Variants in ANO10 observed in about 807,000 individuals in gnomAD.
The protein encoded by ANO10 is anoctamin 10.
A neutral mutation model predicts 74.7 loss-of-function variants in ANO10; 77 were observed. The observed-to-expected ratio is 1.03, with a 90% confidence interval of 0.86 to 1.25. The LOEUF is 1.25. Among genes scored for constraint, ANO10 ranks in the 50% most tolerant of loss-of-function variants. ANO10 has a pLI of 0.00. For synonymous variants in ANO10, 279 were observed against 284.9 expected, an observed-to-expected ratio of 0.98 and a Z score of 0.21; for missense variants, 721 against 778.1, an observed-to-expected ratio of 0.93 and a Z score of 0.87.
intron 12 of ANO10, among the ~76,000 whole-genome samples, chr3:43,420,040 G>A (rs1285063106): frequency 6.6e-6 from 1 of 152,148 alleles, no homozygotes; most frequent in Non-Finnish European, 1.5e-5. Context: ...TACTTTAAAA[G>A]TCTAAATTTC....
rs149386875 is a variant in ANO10 at position 43,483,503 on chromosome 3, A to G, written c.1798-50776T>C. Among the ~76,000 whole-genome samples, 36 of 152,348 alleles carry G rather than the reference A, an allele frequency of 2.4e-4. 1 individual carries two copies. The East Asian group carries it at 4.6e-3, about 20-fold the overall frequency. ...CCTAACCATGCAATAGACACAAAAG[A>G]CTAAAATCAATTGCCTCAGCACCTC... On this transcript the variant is annotated intron_variant, in intron 11 of 12. Coordinates refer to ENST00000292246, the MANE Select transcript of ANO10 (RefSeq NM_018075.5).
At chr3:43,579,913 G>A (rs1453776702) in intron 5 of ANO10, among the ~76,000 whole-genome samples, 1 of 151,952 alleles carries the variant, frequency 6.6e-6, no homozygotes, top group Non-Finnish European at 1.5e-5. Flanking sequence ...CCAACACTTT[G>A]GGAGCCCAAG....
chr3:43,652,644 G>T (rs1349449020), intron 1 of ANO10, among the ~76,000 whole-genome samples: 1 of 152,020 alleles, frequency 6.6e-6, no homozygotes, highest in African/African-American at 2.4e-5. Flanking sequence ...TGGATTTTAA[G>T]GTTTATAAGT....
chr3:43,621,126 C>T (rs1334154472), intron 1 of ANO10, among the ~76,000 whole-genome samples: 3 of 152,130 alleles, frequency 2.0e-5, no homozygotes, highest in African/African-American at 7.2e-5. Context: ...TCTGAATAAA[C>T]CTCAGCTGCA....
intron 1 of ANO10, among the ~76,000 whole-genome samples, chr3:43,660,349 G>A (rs2083911773): frequency 6.6e-6 from 1 of 151,892 alleles, no homozygotes; most frequent in Admixed American, 6.6e-5. Flanking sequence ...TAAAAACCTT[G>A]AAAAAAGGTT....
chr3:43,572,525 A>C (rs1002655149), intron 7 of ANO10, among the ~76,000 whole-genome samples: 1 of 152,138 alleles, frequency 6.6e-6, no homozygotes, highest in South Asian at 2.1e-4. Flanking sequence ...AGGCTATAAC[A>C]ACCAGTCTGG....
Position 43,549,745 on chromosome 3 carries a change from A to G in ANO10, c.1772T>C (p.Leu591Pro). The G allele has an allele frequency of 6.2e-7, 1 of 1,614,076 alleles. No individual in the cohort carries two copies. Among genetic ancestry groups the G allele is most frequent in the Non-Finnish European group, 8.5e-7 (1 of 1,179,946 alleles). Residue 591 changes from leucine (L) to proline (P), a missense_variant, in exon 11 of 13, where the codon CTC becomes CCC. Transcript: ENST00000292246. ...CTCCACTGCTACTACAATCAAAATG[A>G]GGTCTGCTTTTGATTCTGGAAAGAC... is the stretch of plus-strand genomic sequence containing the variant. ...NAVFPESKAD[L>P]ILIVVAVEHA...
chr3:43,379,982 G>C (rs1324164492), intron 12 of ANO10, among the ~76,000 whole-genome samples: 1 of 152,072 alleles, frequency 6.6e-6, no homozygotes, highest in Non-Finnish European at 1.5e-5. Flanking sequence ...GAAATAGATA[G>C]CATAAATAAA....
At chr3:43,682,302 C>T (rs1265081989) in intron 1 of ANO10, among the ~76,000 whole-genome samples, 1 of 152,112 alleles carries the variant, frequency 6.6e-6, no homozygotes, top group African/African-American at 2.4e-5. Context: ...ATATAAACAC[C>T]CGTATGCAAA....
At chr3:43,474,535 TGTCCA>T (rs2075993829) in intron 11 of ANO10, among the ~76,000 whole-genome samples, 1 of 152,202 alleles carries the variant, frequency 6.6e-6, no homozygotes, top group Admixed American at 6.5e-5. Flanking sequence ...TAACTTTGGT[TGTCCA>T]TAATAAATTT....
At chr3:43,618,747 A>C (rs1404408872) in intron 1 of ANO10, among the ~76,000 whole-genome samples, 1 of 152,212 alleles carries the variant, frequency 6.6e-6, no homozygotes, top group Non-Finnish European at 1.5e-5. Flanking sequence ...TGTAACTCCC[A>C]GAAGATTTAG....
chr3:43,372,859 G>A, intron 12 of ANO10: 1 of 1,534,920 alleles, frequency 6.5e-7, no homozygotes, highest in Non-Finnish European at 8.7e-7. Context: ...TGCAGTAGCA[G>A]CCAGAGAAAT....
chr3:43,427,676 G>A (rs1196694536), intron 12 of ANO10, among the ~76,000 whole-genome samples: 1 of 152,166 alleles, frequency 6.6e-6, no homozygotes, highest in African/African-American at 2.4e-5. Context: ...AGCTCTCTCT[G>A]CTTTTGTTAC....
intron 11 of ANO10, among the ~76,000 whole-genome samples, chr3:43,470,386 T>TTCTG (rs1230489942): frequency 6.6e-6 from 1 of 152,122 alleles, no homozygotes. Context: ...CGGAGTCTCG[T>TTCTG]TCTGTCGCCC....
intron 11 of ANO10, among the ~76,000 whole-genome samples, chr3:43,437,867 A>G (rs148033555): frequency 2.7e-5 from 4 of 147,930 alleles, no homozygotes; most frequent in Non-Finnish European, 4.5e-5. Context: ...GGGCATCTGA[A>G]AAAAAAAAAC....
chr3:43,421,310 C>G (rs1195380778), intron 12 of ANO10, among the ~76,000 whole-genome samples: 2 of 152,068 alleles, frequency 1.3e-5, no homozygotes, highest in Admixed American at 6.6e-5. Context: ...TGCTTGAGCT[C>G]AGAAGATCTA....
rs76093258 is a variant in ANO10, at chr3:43,509,804, C to G, written c.1797+39916G>C. Among the ~76,000 whole-genome samples, 608 of 152,248 alleles carry G rather than the reference C, an allele frequency of 4.0e-3. 6 individuals are homozygous for G. The highest frequency in any genetic ancestry group is 0.014 in the African/African-American group (583 of 41,552). ...AAAAACAGGAATCAGACCAGATGTC[C>G]TTCAGTGGGTGAATGTTTAAACAAA... On this transcript the variant is annotated intron_variant, in intron 11 of 12. Transcript: ENST00000292246.
At chr3:43,644,189 A>G (rs746799966) in intron 1 of ANO10, among the ~76,000 whole-genome samples, 3 of 152,120 alleles carry the variant, frequency 2.0e-5, no homozygotes, top group Non-Finnish European at 4.4e-5. Flanking sequence ...TTGATTGCAC[A>G]TTGTATATTT....
At chr3:43,494,627 T>C (rs2076850331) in intron 11 of ANO10, among the ~76,000 whole-genome samples, 1 of 152,154 alleles carries the variant, frequency 6.6e-6, no homozygotes, top group Non-Finnish European at 1.5e-5. Context: ...AGCTCTTCTT[T>C]ATAGCAGTAA....
Sources: allele counts gnomAD v4.1 joint callset (sites outside exome capture counted in the v4.1 genomes callset), GRCh38; gene constraint gnomAD v4.1.1; transcripts MANE v1.5; gene names NCBI Gene and HGNC (gene_info 2026-07-23, HGNC 2026-07-21).